RC3H2: variants seen among roughly 807,000 people sequenced by gnomAD.
The protein encoded by RC3H2 is roquin-2.
RC3H2 carries 31 observed loss-of-function variants against 133.3 expected under a neutral mutation model. The ratio of observed to expected loss-of-function variants is 0.23; its 90% CI spans 0.17 to 0.31. The LOEUF (loss-of-function observed/expected upper bound fraction) is 0.31, where lower values mean the gene tolerates loss of function less well. Among genes scored for constraint, RC3H2 ranks in the 10% least tolerant of loss-of-function variants. The pLI is 1.00. For synonymous variants in RC3H2, 517 were observed against 502.2 expected (o/e 1.03, Z -0.40); for missense variants, 1,175 against 1,437.2 (o/e 0.82, Z 2.95).
Position 122,890,303 on chromosome 9 carries a change from C to T in RC3H2, c.583+9G>A, listed in dbSNP as rs1832110083. The stretch of plus-strand genomic sequence containing the variant: ...CTAATAAAAAAGGTAAGATAGTAAC[C>T]TATCTTACCTGGCCCTAAAAACTGG... On this transcript the variant is annotated intron_variant, in intron 4 of 20. Transcript: ENST00000357244. 1 of 1,611,884 alleles carries T rather than the reference C, an allele frequency of 6.2e-7. No individual in the cohort carries two copies. The highest frequency in any genetic ancestry group is 8.5e-7 in the Non-Finnish European group (1 of 1,178,256).
chr9:122,849,864 G>A (rs1829956773), intron 20 of RC3H2, 42 bp from the exon 21 acceptor site: 2 of 1,413,390 alleles, frequency 1.4e-6, no homozygotes, highest in Non-Finnish European at 9.6e-7. Context: ...TTAGCTTTAA[G>A]TGCAAACTGT....
intron 2 of RC3H2, among the ~76,000 whole-genome samples, chr9:122,894,810 G>A (rs1832348439): frequency 6.6e-6 from 1 of 152,138 alleles, no homozygotes; most frequent in Non-Finnish European, 1.5e-5. Context: ...AACCTGGGAG[G>A]TGGAGGTTGC....
intron 2 of RC3H2, 148 bp downstream of exon 2, chr9:122,897,131 G>T (rs1167238023): frequency 3.0e-6 from 2 of 659,138 alleles, no homozygotes; most frequent in Non-Finnish European, 5.1e-6. Context: ...ATCTCACAAT[G>T]TTTTAAGGAA....
chr9:122,875,400 G>C, intron 9 of RC3H2: 2 of 1,506,462 alleles, frequency 1.3e-6, no homozygotes, highest in East Asian at 2.5e-5. Context: ...TTAATAAACA[G>C]ATCATGGGCC....
At chr9:122,866,452 C>T (rs913101664) in intron 9 of RC3H2, among the ~76,000 whole-genome samples, 5 of 149,026 alleles carry the variant, frequency 3.4e-5, no homozygotes, top group African/African-American at 9.9e-5. Flanking sequence ...CCTCTGATGC[C>T]GAGCCGAAGC....
chr9:122,898,142 T>C (rs1832497885), intron 1 of RC3H2: 2 of 152,266 alleles, frequency 1.3e-5, no homozygotes, highest in Admixed American at 6.5e-5. Context: ...AAAATCAACA[T>C]ATAAGAGAAG....
At chr9:122,899,095 T>G (rs1440867979) in intron 1 of RC3H2, among the ~76,000 whole-genome samples, 4 of 124,470 alleles carry the variant, frequency 3.2e-5, no homozygotes, top group South Asian at 3.1e-4. Context: ...ATTGTGTTTT[T>G]TTTTTTTTTT....
intron 4 of RC3H2, among the ~76,000 whole-genome samples, chr9:122,885,449 AC>A (rs959280900): frequency 4.6e-5 from 7 of 152,170 alleles, no homozygotes; most frequent in Admixed American, 1.3e-4. Context: ...CAAAATACAA[AC>A]CTTTTTTCTA....
chr9:122,892,846 T>C, intron 3 of RC3H2, 63 bp downstream of exon 3: 1 of 1,281,498 alleles, frequency 7.8e-7, no homozygotes, highest in Non-Finnish European at 1.1e-6. Flanking sequence ...CCACATCAAG[T>C]CATTCAAAGT....
At chr9:122,878,230 T>C (rs574159474) in intron 8 of RC3H2, among the ~76,000 whole-genome samples, 2 of 152,318 alleles carry the variant, frequency 1.3e-5, no homozygotes, top group Admixed American at 1.3e-4. Flanking sequence ...AAGTGTAGGT[T>C]TGATCCCAGC....
chr9:122,889,328 T>C (rs1227332857), intron 4 of RC3H2, among the ~76,000 whole-genome samples: 1 of 152,166 alleles, frequency 6.6e-6, no homozygotes, highest in Non-Finnish European at 1.5e-5. Context: ...TATTGGTTTT[T>C]ATTACCAGTA....
At chr9:122,867,863 C>T (rs1175224334) in intron 9 of RC3H2, among the ~76,000 whole-genome samples, 2 of 93,314 alleles carry the variant, frequency 2.1e-5, no homozygotes, top group African/African-American at 8.4e-5. Flanking sequence ...AGCGTCTCCG[C>T]CCGGCAGCCA....
At chr9:122,879,036 C>T (rs1349838064) in intron 8 of RC3H2, among the ~76,000 whole-genome samples, 5 of 149,710 alleles carry the variant, frequency 3.3e-5, no homozygotes, top group East Asian at 2.1e-4. Flanking sequence ...GGATTACAGG[C>T]GTGAGCCACT....
rs533601185 is a variant in RC3H2, at chr9:122,890,230, C to G, written c.583+82G>C. On this transcript the variant is annotated intron_variant, in intron 4 of 20. Coordinates refer to ENST00000357244, the MANE Select transcript of RC3H2 (RefSeq NM_001100588.3). The stretch of plus-strand genomic sequence containing the variant: ...TTGTACATATAAAGACGGGTTGAGT[C>G]TCAGGATTCACCGAGCTCCAGAAAT... 4 of 974,934 alleles carry G rather than the reference C, an allele frequency of 4.1e-6. No individual in the cohort carries two copies. In the South Asian group the frequency reaches 5.4e-5, roughly 13 times the overall value. The allele number at this position is 974,934 out of a possible 1,614,324, so 60.4% of individuals were successfully genotyped here. A position where few individuals can be genotyped will look rare whatever the true frequency, so the allele number is the denominator to read the frequency against.
intron 18 of RC3H2, chr9:122,853,644 C>T (rs936854521): frequency 1.3e-5 from 7 of 524,968 alleles, no homozygotes; most frequent in African/African-American, 5.8e-5. Context: ...CCCAGCTACT[C>T]GGGAAGCTGA....
intron 4 of RC3H2, among the ~76,000 whole-genome samples, chr9:122,887,640 A>G (rs1182585944): frequency 6.6e-6 from 1 of 152,132 alleles, no homozygotes; most frequent in East Asian, 1.9e-4. Context: ...GACCTTGGAC[A>G]CTGGCATTTT....
chr9:122,897,700 G>C (rs1221850680), intron 1 of RC3H2, 124 bp from the exon 2 acceptor site: 2 of 665,612 alleles, frequency 3.0e-6, no homozygotes, highest in Admixed American at 6.8e-5. Flanking sequence ...ATAACCTTTG[G>C]ATGTCTTTTT....
intron 2 of RC3H2, among the ~76,000 whole-genome samples, chr9:122,894,836 C>T (rs1048239274): frequency 3.3e-5 from 5 of 152,050 alleles, no homozygotes; most frequent in Non-Finnish European, 5.9e-5. Context: ...GCCGAGATTG[C>T]GCCACTGCAC....
chr9:122,872,074 G>A (rs1298692022), intron 9 of RC3H2, among the ~76,000 whole-genome samples: 1 of 151,990 alleles, frequency 6.6e-6, no homozygotes, highest in Non-Finnish European at 1.5e-5. Context: ...CACCTCACCC[G>A]GCCCCCAATT....
Sources: allele counts gnomAD v4.1 joint callset (sites outside exome capture counted in the v4.1 genomes callset), GRCh38; gene constraint gnomAD v4.1.1; transcripts MANE v1.5; gene names NCBI Gene and HGNC (gene_info 2026-07-23, HGNC 2026-07-21).